The following PLD1 variants were observed in gnomAD, a reference collection of about 807,000 sequenced individuals.
PLD1 encodes phospholipase D1.
A neutral mutation model predicts 137.1 loss-of-function variants in PLD1; 112 were observed. The observed-to-expected ratio is 0.82, with a 90% CI of 0.70 to 0.96. The LOEUF is 0.96. Among genes scored for constraint, PLD1 ranks in the 40% least tolerant of loss-of-function variants. The probability of loss-of-function intolerance (pLI) is 0.00; values close to 1 mark genes in which losing one functional copy is unlikely to be tolerated. For missense variants in PLD1, 1,321 were observed against 1,342.0 expected (o/e 0.98, Z 0.24); for synonymous variants, 431 against 454.7 (o/e 0.95, Z 0.66).
At chr3:171,690,331 T>G (rs1333099545) in intron 13 of PLD1, among the ~76,000 whole-genome samples, 1 of 152,190 alleles carries the variant, frequency 6.6e-6, no homozygotes, top group Non-Finnish European at 1.5e-5. Context: ...TTTTCTGTAT[T>G]ATTTTTCTAT....
At chr3:171,794,555 C>T (rs1313136852) in intron 1 of PLD1, among the ~76,000 whole-genome samples, 1 of 152,108 alleles carries the variant, frequency 6.6e-6, no homozygotes, top group Non-Finnish European at 1.5e-5. Context: ...ACACTATAAT[C>T]ACATCGTTTC....
At chr3:171,741,092 C>T (rs1719743759) in intron 1 of PLD1, among the ~76,000 whole-genome samples, 1 of 152,172 alleles carries the variant, frequency 6.6e-6, no homozygotes, top group African/African-American at 2.4e-5. Context: ...AGGGATCATA[C>T]TAATCCCACA....
chr3:171,680,618 C>T (rs1206547084), intron 16 of PLD1, among the ~76,000 whole-genome samples: 2 of 152,170 alleles, frequency 1.3e-5, no homozygotes, highest in Non-Finnish European at 2.9e-5. Context: ...AGGTCACTTC[C>T]AGTGCCTCAC....
At chr3:171,718,460 A>C (rs1717840927) in intron 8 of PLD1, among the ~76,000 whole-genome samples, 1 of 152,182 alleles carries the variant, frequency 6.6e-6, no homozygotes, top group Admixed American at 6.5e-5. Flanking sequence ...CTACTACCCG[A>C]CTCATTCTAT....
chr3:171,620,742 CTATATATA>C (rs869115087), intron 23 of PLD1, among the ~76,000 whole-genome samples: 22 of 94,782 alleles, frequency 2.3e-4, no homozygotes, highest in Admixed American at 5.9e-4. Flanking sequence ...CTCTCTCTCT[CTATATATA>C]TATATATATA....
At chr3:171,647,818 C>T (rs1308974067) in intron 21 of PLD1, among the ~76,000 whole-genome samples, 1 of 152,124 alleles carries the variant, frequency 6.6e-6, no homozygotes, top group Non-Finnish European at 1.5e-5. Context: ...ATGATCTATT[C>T]CCAAACCTTT....
At position 171,716,759 on chromosome 3, in the gene PLD1, C is replaced by T. The variant is rs542668409; in HGVS notation, c.759-2714G>A. ...CTCTTTAGTTTAATTAGATTCCATT[C>T]GCCAATTTTTGATTTTGTTGCAATT... On this transcript the variant is annotated intron_variant, in intron 8 of 26. Transcript: ENST00000351298. Among the ~76,000 whole-genome samples the T allele has an allele frequency of 2.9e-3, 447 of 152,170 alleles. 2 individuals are homozygous for T. Among genetic ancestry groups the T allele is most frequent in the Non-Finnish European group, 5.6e-3 (383 of 67,970 alleles).
At chr3:171,804,925 T>C (rs1311869073) in intron 1 of PLD1, among the ~76,000 whole-genome samples, 1 of 152,236 alleles carries the variant, frequency 6.6e-6, no homozygotes, top group African/African-American at 2.4e-5. Context: ...ATGCCTCGTC[T>C]CTGCATTTGT....
At chr3:171,673,109 A>G (rs1712960606) in intron 19 of PLD1, among the ~76,000 whole-genome samples, 1 of 152,208 alleles carries the variant, frequency 6.6e-6, no homozygotes, top group African/African-American at 2.4e-5. Flanking sequence ...TTCTTATTTT[A>G]TATTCTAGCA....
In PLD1 at chr3:171,708,800, T is replaced by C. The variant is rs1207958919; in HGVS notation, c.1100A>G (p.Asn367Ser). The C allele has an allele frequency of 6.2e-7, 1 of 1,602,074 alleles. No homozygotes were observed. The highest frequency in any genetic ancestry group is 1.1e-5 in the South Asian group (1 of 90,858). Reference protein sequence around the residue: ...NAKGYFEDVANAMEEANEEIF... With the variant: ...NAKGYFEDVASAMEEANEEIF... The stretch of plus-strand genomic sequence containing the variant: ...CTCTTCATTTGCCTCTTCCATTGCA[T>C]TTGCCACATCTTCAAAATATCCTTT... Residue 367 changes from asparagine to serine, a missense_variant, in exon 11 of 27, where the codon AAT becomes AGT. Physicochemically the swap from Asn to Ser is conservative, Grantham distance 46. Transcript: ENST00000351298.
chr3:171,702,384 G>C (rs753961008), intron 11 of PLD1, among the ~76,000 whole-genome samples: 1 of 151,704 alleles, frequency 6.6e-6, no homozygotes, highest in Non-Finnish European at 1.5e-5. Context: ...GCTACTCGGG[G>C]GGCTGAGGTA....
chr3:171,691,730 T>C (rs572901931), intron 13 of PLD1, among the ~76,000 whole-genome samples: 2 of 152,338 alleles, frequency 1.3e-5, no homozygotes, highest in South Asian at 4.1e-4. Context: ...CTTTCATTTT[T>C]TCTAACCAAG....
At position 171,758,071 on chromosome 3, in the gene PLD1, C is replaced by T. The variant is rs116126424; in HGVS notation, c.-31-19989G>A. Among the ~76,000 whole-genome samples the T allele has an allele frequency of 9.0e-3, 1,364 of 152,320 alleles. 15 individuals are homozygous for T. Among genetic ancestry groups the T allele is most frequent in the African/African-American group, 0.031 (1,292 of 41,552 alleles). On this transcript the variant is annotated intron_variant, in intron 1 of 26. Coordinates refer to ENST00000351298, the MANE Select transcript of PLD1 (RefSeq NM_002662.5). ...TGGCTTTTAATCTTTCCATCTCTAC[C>T]TTAACATGCCAGGCATGTGGTAGAT...
In PLD1 at chr3:171,605,371, A is replaced by C; in HGVS notation, c.2928T>G (p.Asp976Glu). The C allele has an allele frequency of 6.2e-7, 1 of 1,613,884 alleles. No individual in the cohort carries two copies. The highest frequency in any genetic ancestry group is 8.5e-7 in the Non-Finnish European group (1 of 1,179,794). ...YLDDPSEDIQ[D>E]PVSDKFFKEV... ...CCTTGAAGAATTTGTCACTCACTGG[A>C]TCCTGAATGTCCTCACTTGGGTCAT... Residue 976 changes from aspartate to glutamate, a missense_variant, in exon 26 of 27, where the codon GAT becomes GAG. Coordinates refer to ENST00000351298, the MANE Select transcript of PLD1 (RefSeq NM_002662.5).
chr3:171,796,418 GAA>G (rs1723440159), intron 1 of PLD1, among the ~76,000 whole-genome samples: 1 of 152,170 alleles, frequency 6.6e-6, no homozygotes, highest in Non-Finnish European at 1.5e-5. Context: ...ATAGCAAAAT[GAA>G]GAGCTGAGAA....
intron 21 of PLD1, among the ~76,000 whole-genome samples, chr3:171,655,033 AG>A (rs1279441854): frequency 6.6e-6 from 1 of 152,156 alleles, no homozygotes; most frequent in East Asian, 1.9e-4. Context: ...CAGTCCAGGG[AG>A]TTGGCAATTT....
chr3:171,769,663 G>T (rs1722206172), intron 1 of PLD1, among the ~76,000 whole-genome samples: 1 of 152,162 alleles, frequency 6.6e-6, no homozygotes, highest in Non-Finnish European at 1.5e-5. Flanking sequence ...TCCCGAAATG[G>T]CATGCAGCCA....
chr3:171,687,109 AC>A (rs1311647211), intron 15 of PLD1, among the ~76,000 whole-genome samples: 1 of 152,148 alleles, frequency 6.6e-6, no homozygotes, highest in East Asian at 1.9e-4. Flanking sequence ...TATTTTAGAA[AC>A]CCTTTGTCAT....
At chr3:171,754,103 G>T (rs1720851802) in intron 1 of PLD1, among the ~76,000 whole-genome samples, 1 of 152,168 alleles carries the variant, frequency 6.6e-6, no homozygotes, top group South Asian at 2.1e-4. Flanking sequence ...GCATCCAAGT[G>T]AGTTCATTGA....
Sources: gnomAD v4.1 joint callset for allele counts (sites outside exome capture counted in the v4.1 genomes callset) on GRCh38, gnomAD v4.1.1 for gene constraint, MANE v1.5 for transcripts, NCBI Gene and HGNC (gene_info 2026-07-23, HGNC 2026-07-21) for gene names.